Variants in ITLN1 observed in about 807,000 individuals in gnomAD.
The protein encoded by ITLN1 is intelectin-1.
A neutral mutation model predicts 36.2 loss-of-function variants in ITLN1; 29 were observed. That is an observed-to-expected ratio of 0.80 (90% CI 0.60 to 1.09). The LOEUF (loss-of-function observed/expected upper bound fraction) is 1.09, where lower values mean the gene tolerates loss of function less well. Among genes scored for constraint, ITLN1 ranks in the 50% least tolerant of loss-of-function variants. The probability of loss-of-function intolerance (pLI) is 0.00; values close to 1 mark genes in which losing one functional copy is unlikely to be tolerated. For synonymous variants in ITLN1, 143 were observed against 146.5 expected, an observed-to-expected ratio of 0.98 and a Z score of 0.17; for missense variants, 358 against 405.2, an observed-to-expected ratio of 0.88 and a Z score of 1.00.
chr1:160,882,199 G>C lies in ITLN1; in HGVS notation c.163C>G (p.Leu55Val). 6.4e-7 allele frequency: 1 copy of C among 1,574,072 alleles called. No individual in the cohort carries two copies. The highest frequency in any genetic ancestry group is 8.6e-7 in the Non-Finnish European group (1 of 1,157,812). Residue 55 changes from leucine (L) to valine (V), a missense_variant, in exon 4 of 8, where the codon CTG (leucine) becomes GTG (valine). Transcript: ENST00000326245. ...CCATTCTCAGTGCGGAGAAAATACA[G>C]GCCATCTGTAGAGAGAACCAGCCCA... is the stretch of plus-strand genomic sequence containing the variant. ...KDECPSAFDG[L>V]YFLRTENGVI...
intron 7 of ITLN1, among the ~76,000 whole-genome samples, chr1:160,877,656 T>C (rs16832515): frequency 0.032 from 4,888 of 152,340 alleles, 210 homozygotes; most frequent in African/African-American, 0.094. Context: ...TGTTATTCTA[T>C]ACTTCCTTGC....
chr1:160,876,902 T>C, intron 7 of ITLN1, 86 bp from the exon 8 acceptor site: 1 of 1,389,188 alleles, frequency 7.2e-7, no homozygotes, highest in East Asian at 2.3e-5. Flanking sequence ...CAGTGATTTC[T>C]TTGGTCCTCA....
At chr1:160,881,887 T>C in intron 4 of ITLN1, 70 bp downstream of exon 4, 1 of 1,557,340 alleles carries the variant, frequency 6.4e-7, no homozygotes, top group Non-Finnish European at 8.7e-7. Context: ...CAGCCATCCC[T>C]CCTGCAGGCT....
chr1:160,880,950 T>A (rs1670666471), intron 5 of ITLN1, among the ~76,000 whole-genome samples: 2 of 152,152 alleles, frequency 1.3e-5, no homozygotes, highest in Non-Finnish European at 2.9e-5. Flanking sequence ...CCATCCACAC[T>A]CTTCCTGCCC....
intron 4 of ITLN1, chr1:160,881,589 A>C: frequency 4.1e-6 from 2 of 488,452 alleles, no homozygotes. Flanking sequence ...CGGGCAGGTC[A>C]CTTGAGGTCA....
At chr1:160,880,729 G>A (rs1289199131) in intron 5 of ITLN1, 21 bp from the exon 6 acceptor site, 4 of 1,613,736 alleles carry the variant, frequency 2.5e-6, no homozygotes, top group Non-Finnish European at 8.5e-7. Context: ...CACAGAAAAA[G>A]TCATGGAGTA....
intron 6 of ITLN1, among the ~76,000 whole-genome samples, chr1:160,879,810 T>C (rs531595579): frequency 6.6e-6 from 1 of 152,346 alleles, no homozygotes; most frequent in African/African-American, 2.4e-5. Context: ...AAAATGTAAA[T>C]AATAACAGCT....
chr1:160,880,782 C>G (rs1670662656), intron 5 of ITLN1, 74 bp from the exon 6 acceptor site: 8 of 1,482,046 alleles, frequency 5.4e-6, no homozygotes, highest in South Asian at 4.7e-5. Context: ...TGGGATGCTG[C>G]CATTCATAGA....
chr1:160,883,207 T>G (rs529915077), intron 3 of ITLN1, among the ~76,000 whole-genome samples: 9 of 152,284 alleles, frequency 5.9e-5, no homozygotes, highest in African/African-American at 2.2e-4. Flanking sequence ...TTTGGGGCAC[T>G]GAAAAAGTTC....
Position 160,876,571 on chromosome 1 carries a change from T to G in ITLN1, c.*93A>C. ...CAATATGATTTATTGTTTTCTCTTC[T>G]GCCATTAACATTCTAGCTACTGGGT... On this transcript the variant is annotated 3_prime_UTR_variant, in exon 8 of 8. Transcript: ENST00000326245. 1 of 1,268,022 alleles carries G rather than the reference T, an allele frequency of 7.9e-7. No individual in the cohort carries two copies. The highest frequency in any genetic ancestry group is 1.1e-6 in the Non-Finnish European group (1 of 893,934). 78.5% of individuals were successfully genotyped at this position (1,268,022 alleles called of 1,614,324 possible). A position where few individuals can be genotyped will look rare whatever the true frequency, so the allele number is the denominator to read the frequency against.
chr1:160,878,297 T>C (rs1670623476), intron 7 of ITLN1, among the ~76,000 whole-genome samples: 1 of 152,172 alleles, frequency 6.6e-6, no homozygotes, highest in Non-Finnish European at 1.5e-5. Context: ...CCGAAGCCGC[T>C]ATACTTACGG....
At chr1:160,877,177 C>A (rs562945697) in intron 7 of ITLN1, among the ~76,000 whole-genome samples, 150 of 151,682 alleles carry the variant, frequency 9.9e-4, no homozygotes, top group African/African-American at 3.4e-3. Context: ...GTGGAGGTTG[C>A]GGTGAGCTTA....
At chr1:160,878,083 G>A (rs546689949) in intron 7 of ITLN1, among the ~76,000 whole-genome samples, 33 of 152,148 alleles carry the variant, frequency 2.2e-4, no homozygotes, top group Non-Finnish European at 4.0e-4. Flanking sequence ...CAGGATAATC[G>A]CTTAAACCTG....
intron 6 of ITLN1, among the ~76,000 whole-genome samples, chr1:160,880,122 T>A (rs1670652669): frequency 6.6e-6 from 1 of 152,042 alleles, no homozygotes; most frequent in South Asian, 2.1e-4. Context: ...CTGGCCAACA[T>A]GGTGAAATCA....
chr1:160,879,194 C>G (rs1199913228), intron 7 of ITLN1, 117 bp downstream of exon 7: 1 of 793,230 alleles, frequency 1.3e-6, no homozygotes, highest in East Asian at 2.4e-5. Flanking sequence ...AGGTCACACT[C>G]CCACACACGT....
In ITLN1 at chr1:160,882,144, G is replaced by T. The variant is rs376898715; in HGVS notation, c.218C>A (p.Thr73Asn). 33 of 1,612,384 alleles carry T rather than the reference G, an allele frequency of 2.0e-5. No homozygotes were observed. The highest frequency in any genetic ancestry group is 3.3e-5 in the Admixed American group (2 of 59,908). ...GVIYQTFCDM[T>N]SGGGGWTLVA... is the part of the protein sequence containing the mutation. ...CAGGGTCCAGCCGCCACCCCCAGAGGTCATGTCACAGAAGGTCTGGTAGAT... is the reference window on the plus strand; with the variant it reads ...CAGGGTCCAGCCGCCACCCCCAGAGTTCATGTCACAGAAGGTCTGGTAGAT... Residue 73 changes from threonine to asparagine, a missense_variant, in exon 4 of 8, where the codon ACC (threonine) becomes AAC (asparagine). By Grantham distance (65) the Thr-to-Asn change is moderately conservative. Transcript: ENST00000326245.
rs746701859 is a variant in ITLN1, at chr1:160,879,405, G to A, written c.695C>T (p.Thr232Ile). 6.2e-7 allele frequency: 1 copy of A among 1,613,758 alleles called. No individual in the cohort carries two copies. Among genetic ancestry groups the A allele is most frequent in the East Asian group, 2.2e-5 (1 of 44,876 alleles). ...YYSPYGQREFTAGFVQFRVFN... is the reference protein window; with the variant it reads ...YYSPYGQREFIAGFVQFRVFN... ...TACCCTGAACTGAACAAATCCCGCA[G>A]TGAATTCCCCTGAAAACAAGAGGCA... Residue 232 changes from threonine to isoleucine, a missense_variant, in exon 7 of 8, where the codon ACT becomes ATT. Transcript: ENST00000326245.
intron 4 of ITLN1, among the ~76,000 whole-genome samples, 163 bp downstream of exon 4, chr1:160,881,794 T>C (rs1296744676): frequency 8.4e-6 from 1 of 118,902 alleles, no homozygotes; most frequent in Non-Finnish European, 1.7e-5. Context: ...AGAGTAAGAC[T>C]CCGTCTCAAG....
At chr1:160,881,652 T>C (rs1184968032) in intron 4 of ITLN1, 5 of 517,770 alleles carry the variant, frequency 9.7e-6, no homozygotes, top group Non-Finnish European at 1.7e-5. Context: ...CTACTAAAAG[T>C]ACAAAAATTC....
Sources: gnomAD v4.1 joint callset for allele counts (sites outside exome capture counted in the v4.1 genomes callset) on GRCh38, gnomAD v4.1.1 for gene constraint, MANE v1.5 for transcripts, NCBI Gene and HGNC (gene_info 2026-07-23, HGNC 2026-07-21) for gene names.